The following AGBL1 variants were observed in gnomAD, a reference collection of about 807,000 sequenced individuals.
AGBL1 encodes the protein cytosolic carboxypeptidase 4.
A neutral mutation model predicts 118.9 loss-of-function variants in AGBL1; 130 were observed. The observed-to-expected ratio is 1.09, with a 90% CI of 0.95 to 1.26. The LOEUF (loss-of-function observed/expected upper bound fraction) is 1.26, where lower values mean the gene tolerates loss of function less well. Ranked by LOEUF, AGBL1 falls within the 50% of genes most tolerant of loss-of-function variation. The pLI is 0.00. For synonymous variants in AGBL1, 555 were observed against 478.9 expected, an observed-to-expected ratio of 1.16 and a Z score of -2.08; for missense variants, 1,584 against 1,298.1, an observed-to-expected ratio of 1.22 and a Z score of -3.38.
chr15:86,556,390 GCCAGA>G (rs1312123055), intron 21 of AGBL1: 4 of 959,990 alleles, frequency 4.2e-6, no homozygotes, highest in Non-Finnish European at 6.4e-6. Context: ...CCCTAACAGT[GCCAGA>G]CCTGGTTTTG....
chr15:86,116,730 G>A (rs979810665), intron 1 of AGBL1: 2 of 152,188 alleles, frequency 1.3e-5, no homozygotes, highest in African/African-American at 4.8e-5. Context: ...GAGTTACACA[G>A]TCAGCTTCCC....
intron 22 of AGBL1, among the ~76,000 whole-genome samples, chr15:86,859,915 A>G (rs2079537543): frequency 6.6e-6 from 1 of 152,188 alleles, no homozygotes; most frequent in Non-Finnish European, 1.5e-5. Context: ...CGAGTTTGCT[A>G]TCCAAAGTGA....
intron 20 of AGBL1, among the ~76,000 whole-genome samples, chr15:86,550,918 C>G (rs1044982643): frequency 6.6e-6 from 1 of 151,800 alleles, no homozygotes; most frequent in Admixed American, 6.6e-5. Flanking sequence ...TATAAATTAA[C>G]TTTCATAAGA....
At chr15:86,111,435 A>G (rs1042224032) in intron 1 of AGBL1, among the ~76,000 whole-genome samples, 1 of 152,094 alleles carries the variant, frequency 6.6e-6, no homozygotes, top group Non-Finnish European at 1.5e-5. Context: ...GTTTGTATCT[A>G]TTTTGGAATT....
intron 21 of AGBL1, among the ~76,000 whole-genome samples, chr15:86,627,004 A>ATTTTTTT (rs529625807): frequency 0.016 from 2,242 of 140,270 alleles, 73 homozygotes; most frequent in African/African-American, 0.055. Flanking sequence ...CGACCAGCTA[A>ATTTTTTT]TTTTTTTTTT....
At chr15:86,207,801 TA>T (rs1040771257) in intron 5 of AGBL1, among the ~76,000 whole-genome samples, 1 of 152,182 alleles carries the variant, frequency 6.6e-6, no homozygotes, top group Non-Finnish European at 1.5e-5. Flanking sequence ...GAATACCCTT[TA>T]TTTCTTTCTC....
At chr15:86,236,952 C>CGGGGG (rs1398987301) in intron 6 of AGBL1, among the ~76,000 whole-genome samples, 2,243 of 9,362 alleles carry the variant, frequency 0.24, 115 homozygotes, top group East Asian at 0.33. Flanking sequence ...CGGGGGGGGG[C>CGGGGG]GGGGGGGCGC....
intron 22 of AGBL1, among the ~76,000 whole-genome samples, chr15:86,803,421 T>C (rs1305204962): frequency 2.0e-5 from 3 of 152,156 alleles, no homozygotes. Context: ...GTGAGTCAAT[T>C]AAACCTCTTC....
chr15:87,005,246 G>A (rs559395455), intron 24 of AGBL1, among the ~76,000 whole-genome samples: 270 of 152,314 alleles, frequency 1.8e-3, no homozygotes, highest in African/African-American at 6.2e-3. Context: ...TGCCTTGCTA[G>A]ATTGGGGAAG....
At chr15:86,648,376 G>T (rs1035454102) in intron 21 of AGBL1, among the ~76,000 whole-genome samples, 1 of 152,194 alleles carries the variant, frequency 6.6e-6, no homozygotes, top group African/African-American at 2.4e-5. Flanking sequence ...CTTTATGATG[G>T]ATTAGAGGTG....
intron 17 of AGBL1, among the ~76,000 whole-genome samples, chr15:86,337,385 A>G (rs992345262): frequency 2.0e-5 from 3 of 152,204 alleles, no homozygotes; most frequent in African/African-American, 7.2e-5. Context: ...GGAATGAGGT[A>G]GAAAGATGCA....
chr15:86,969,097 A>C (rs1189122675), intron 23 of AGBL1, among the ~76,000 whole-genome samples: 1 of 151,960 alleles, frequency 6.6e-6, no homozygotes, highest in Non-Finnish European at 1.5e-5. Context: ...TATGCAAACT[A>C]TATTAATTCC....
chr15:86,642,286 A>T lies in AGBL1; in HGVS notation c.2995-31987A>T, dbSNP rs568445507. On this transcript the variant is annotated intron_variant, in intron 21 of 22. Transcript: ENST00000614907. ...CATTTTAGCCTTCCTAAAGTGAAAT[A>T]TATCTTTTACTCAATAGCTAAATTT... Among the ~76,000 whole-genome samples the T allele has an allele frequency of 1.5e-4, 23 of 152,332 alleles. No homozygotes were observed. In the East Asian group the frequency reaches 4.2e-3, roughly 28 times the overall value.
At chr15:86,364,981 A>C (rs1205253802) in intron 17 of AGBL1, among the ~76,000 whole-genome samples, 3 of 76,288 alleles carry the variant, frequency 3.9e-5, no homozygotes, top group Non-Finnish European at 9.5e-5. Context: ...ATATATATAT[A>C]TATATATACA....
Position 86,903,881 on chromosome 15 carries a change from G to A in AGBL1, c.3159-3206G>A, listed in dbSNP as rs147993748. 1.3e-4 allele frequency among the ~76,000 whole-genome samples: 19 copies of A among 151,162 alleles called. No homozygotes were observed. The East Asian group carries it at 3.7e-3, about 29-fold the overall frequency. ...GGGGACAGTCTTGTTACCAACAATT[G>A]CCTGTAGAGGTCCAGGTTCCCCACA... On this transcript the variant is annotated intron_variant, in intron 22 of 22. Coordinates refer to ENST00000614907, the MANE Select transcript of AGBL1 (RefSeq NM_001386094.1).
rs72116454 is a variant in AGBL1, at chr15:86,364,958, CATATATATAT to C, written c.2375-32386_2375-32377del. ...GAGCCGCATTGATTTATATGTCACA[CATATATATAT>C]ATATATATATATATATATATACACA... On this transcript the variant is annotated intron_variant, in intron 17 of 22. Transcript: ENST00000614907. 6.0e-3 allele frequency among the ~76,000 whole-genome samples: 458 copies of C among 76,154 alleles called. 31 individuals are homozygous for C. The highest frequency in any genetic ancestry group is 0.016 in the African/African-American group (406 of 26,104). The allele number at this position is 76,154 out of a possible 152,430, so 50.0% of individuals were successfully genotyped here. A position where few individuals can be genotyped will look rare whatever the true frequency, so the allele number is the denominator to read the frequency against.
At chr15:86,226,775 T>C (rs978379183) in intron 6 of AGBL1, among the ~76,000 whole-genome samples, 1 of 152,184 alleles carries the variant, frequency 6.6e-6, no homozygotes, top group African/African-American at 2.4e-5. Context: ...AGAGCTTAGC[T>C]CAGATATTGC....
intron 13 of AGBL1, 140 bp from the exon 14 acceptor site, chr15:86,269,779 G>A: frequency 1.0e-6 from 1 of 957,662 alleles, no homozygotes; most frequent in Non-Finnish European, 1.5e-6. Flanking sequence ...GTATCAGGAT[G>A]ATAAGTATAA....
chr15:86,757,464 T>A (rs2077958586), intron 22 of AGBL1, among the ~76,000 whole-genome samples: 1 of 152,076 alleles, frequency 6.6e-6, no homozygotes, highest in Non-Finnish European at 1.5e-5. Flanking sequence ...TGAAAAGTAC[T>A]TTCTGTTGCC....
Sources: gnomAD v4.1 joint callset for allele counts (sites outside exome capture counted in the v4.1 genomes callset) on GRCh38, gnomAD v4.1.1 for gene constraint, MANE v1.5 for transcripts, NCBI Gene and HGNC (gene_info 2026-07-23, HGNC 2026-07-21) for gene names.